CEP170: variants seen among roughly 807,000 people sequenced by gnomAD.
The protein encoded by CEP170 is centrosomal protein 170, also known as centrosomal protein of 170 kDa.
In CEP170, 21 loss-of-function variants were observed where a neutral mutation model predicts 151.9. That is an observed-to-expected ratio of 0.14 (90% CI 0.10 to 0.20). The LOEUF is 0.20. Ranked by LOEUF, CEP170 falls within the 10% of genes least tolerant of loss-of-function variation. The probability of loss-of-function intolerance (pLI) is 1.00; values close to 1 mark genes in which losing one functional copy is unlikely to be tolerated. For synonymous variants in CEP170, 356 were observed against 648.8 expected (o/e 0.55, Z 6.86); for missense variants, 964 against 1,892.9 (o/e 0.51, Z 9.11).
At chr1:243,171,384 T>C (rs2058832382) in intron 11 of CEP170, among the ~76,000 whole-genome samples, 1 of 152,216 alleles carries the variant, frequency 6.6e-6, no homozygotes, top group Non-Finnish European at 1.5e-5. Flanking sequence ...TTTACCTGTA[T>C]GTAAGAAACA....
At chr1:243,233,739 A>AG (rs1397736740) in intron 1 of CEP170, among the ~76,000 whole-genome samples, 5 of 124,172 alleles carry the variant, frequency 4.0e-5, no homozygotes, top group Non-Finnish European at 6.9e-5. Context: ...TCTCAAAAAA[A>AG]AAATATATAT....
At chr1:243,150,466 G>A (rs571539460) in intron 14 of CEP170, among the ~76,000 whole-genome samples, 177 of 152,050 alleles carry the variant, frequency 1.2e-3, no homozygotes, top group Non-Finnish European at 2.0e-3. Flanking sequence ...GCTATTTAAC[G>A]ATCACTTTAA....
At chr1:243,226,845 T>C (rs1294259806) in intron 1 of CEP170, among the ~76,000 whole-genome samples, 1 of 152,016 alleles carries the variant, frequency 6.6e-6, no homozygotes, top group East Asian at 1.9e-4. Flanking sequence ...CAAAATTAGC[T>C]GGGCATGGTG....
At chr1:243,249,919 A>G (rs953421483) in intron 1 of CEP170, among the ~76,000 whole-genome samples, 1 of 152,186 alleles carries the variant, frequency 6.6e-6, no homozygotes, top group South Asian at 2.1e-4. Context: ...TGTCTTTACT[A>G]AAATACAAAA....
At chr1:243,210,666 G>C (rs1185408634) in intron 4 of CEP170, among the ~76,000 whole-genome samples, 1 of 114,446 alleles carries the variant, frequency 8.7e-6, no homozygotes, top group East Asian at 3.0e-4. Flanking sequence ...CCAGGCTACA[G>C]TGCAGTAGTG....
chr1:243,235,436 A>G (rs957565876), intron 1 of CEP170, among the ~76,000 whole-genome samples: 1 of 152,204 alleles, frequency 6.6e-6, no homozygotes, highest in Admixed American at 6.5e-5. Flanking sequence ...CCAAAAGGAT[A>G]AATCCACAGC....
intron 10 of CEP170, among the ~76,000 whole-genome samples, chr1:243,178,821 C>T (rs12061907): frequency 0.29 from 44,007 of 151,638 alleles, 6,578 homozygotes; most frequent in South Asian, 0.42. Context: ...CGGGTTCAAG[C>T]GATTCTCCTG....
At chr1:243,142,019 C>T (rs2055898364) in intron 15 of CEP170, among the ~76,000 whole-genome samples, 1 of 152,142 alleles carries the variant, frequency 6.6e-6, no homozygotes, top group Non-Finnish European at 1.5e-5. Context: ...TTTTGGGTTG[C>T]TTTTCAAAAT....
chr1:243,145,665 TAA>T (rs1462918967), intron 14 of CEP170, among the ~76,000 whole-genome samples: 7 of 152,334 alleles, frequency 4.6e-5, no homozygotes, highest in African/African-American at 1.7e-4. Flanking sequence ...CCTCTGGAAT[TAA>T]GTTTCCTTTG....
At chr1:243,232,672 G>A (rs1460972741) in intron 1 of CEP170, among the ~76,000 whole-genome samples, 1 of 152,064 alleles carries the variant, frequency 6.6e-6, no homozygotes, top group Non-Finnish European at 1.5e-5. Flanking sequence ...GAGGATCAAG[G>A]ACACATAAAG....
chr1:243,147,043 G>C (rs1391681521), intron 14 of CEP170, among the ~76,000 whole-genome samples: 1 of 151,902 alleles, frequency 6.6e-6, no homozygotes, highest in Non-Finnish European at 1.5e-5. Flanking sequence ...AAGCATGAAT[G>C]CTTAGCAAAG....
chr1:243,237,914 A>G (rs1003255839), intron 1 of CEP170, among the ~76,000 whole-genome samples: 10 of 152,162 alleles, frequency 6.6e-5, no homozygotes, highest in Admixed American at 3.3e-4. Context: ...TAAAAAAGAC[A>G]GCATCATTAT....
chr1:243,137,765 C>A (rs1251155897), intron 16 of CEP170, among the ~76,000 whole-genome samples: 3 of 146,618 alleles, frequency 2.0e-5, no homozygotes, highest in African/African-American at 7.7e-5. Flanking sequence ...CAAAGCGAGA[C>A]TCCCTCTCAA....
At chr1:243,227,211 A>C (rs2063369076) in intron 1 of CEP170, among the ~76,000 whole-genome samples, 1 of 152,132 alleles carries the variant, frequency 6.6e-6, no homozygotes, top group Non-Finnish European at 1.5e-5. Context: ...TGATGGCAGA[A>C]TCAAGTTTTC....
At chr1:243,224,865 T>G (rs1246428217) in intron 2 of CEP170, among the ~76,000 whole-genome samples, 3 of 152,226 alleles carry the variant, frequency 2.0e-5, no homozygotes, top group Admixed American at 6.5e-5. Flanking sequence ...GTATCAGTGA[T>G]CAAAATTCAG....
intron 1 of CEP170, among the ~76,000 whole-genome samples, chr1:243,231,214 T>C (rs61833884): frequency 9.4e-4 from 141 of 150,452 alleles, no homozygotes; most frequent in African/African-American, 3.3e-3. Context: ...TTATCATCAT[T>C]ATTATTTTTT....
intron 1 of CEP170, among the ~76,000 whole-genome samples, chr1:243,249,738 T>G (rs2065764785): frequency 1.3e-5 from 2 of 152,192 alleles, no homozygotes; most frequent in Non-Finnish European, 2.9e-5. Context: ...ATTGTAAACT[T>G]CATCTAATTC....
intron 8 of CEP170, among the ~76,000 whole-genome samples, chr1:243,189,497 A>G (rs759988378): frequency 1.3e-5 from 2 of 150,538 alleles, no homozygotes; most frequent in African/African-American, 2.4e-5. Flanking sequence ...CGGAGCTTGC[A>G]GTGAGCCGAG....
chr1:243,147,970 CAGG>C (rs963821918), intron 14 of CEP170, among the ~76,000 whole-genome samples: 32 of 151,980 alleles, frequency 2.1e-4, no homozygotes, highest in Non-Finnish European at 1.5e-4. Flanking sequence ...CACTTGAGGT[CAGG>C]AGTTCAAGAA....
Sources: allele counts gnomAD v4.1 joint callset (sites outside exome capture counted in the v4.1 genomes callset), GRCh38; gene constraint gnomAD v4.1.1; transcripts MANE v1.5; gene names NCBI Gene and HGNC (gene_info 2026-07-23, HGNC 2026-07-21).